The following SQOR variants were observed in gnomAD, a reference collection of about 807,000 sequenced individuals.
The protein encoded by SQOR is sulfide quinone oxidoreductase.
Under a neutral mutation model 48.6 loss-of-function variants are expected in SQOR, and 39 were observed. The observed-to-expected ratio is 0.80, with a 90% CI of 0.62 to 1.05. SQOR has a LOEUF of 1.05. Among genes scored for constraint, SQOR ranks in the 50% least tolerant of loss-of-function variants. The pLI is 0.00. For missense variants in SQOR, 561 were observed against 559.9 expected, an observed-to-expected ratio of 1.00 and a Z score of -0.02; for synonymous variants, 220 against 206.2, an observed-to-expected ratio of 1.07 and a Z score of -0.57.
rs950686575 is a variant in SQOR at position 45,661,870 on chromosome 15, G to C, written c.235-85G>C. 3.6e-6 allele frequency: 5 copies of C among 1,398,242 alleles called. No individual in the cohort carries two copies. The African/African-American group carries it at 7.2e-5, about 20-fold the overall frequency. The allele number at this position is 1,398,242 out of a possible 1,614,324, so 86.6% of individuals were successfully genotyped here. Reference sequence around the variant, plus strand: ...CTCTAAAGGTCAGGAGGGAGTGATTGAAAGAATCTAGCCCATACTGTTAGC... The same window carrying C: ...CTCTAAAGGTCAGGAGGGAGTGATTCAAAGAATCTAGCCCATACTGTTAGC... On this transcript the variant is annotated intron_variant, in intron 2 of 9. Transcript: ENST00000260324.
intron 3 of SQOR, among the ~76,000 whole-genome samples, chr15:45,667,941 C>CTTTTTTTTTTTTTTTTTTTT (rs1204451548): frequency 5.8e-5 from 6 of 103,276 alleles, no homozygotes; most frequent in East Asian, 3.1e-4. Context: ...TTCTTTCTTT[C>CTTTTTTTTTTTTTTTTTTTT]TTTTTTTTTT....
In SQOR at chr15:45,665,999, G is replaced by A. The variant is rs115538504; in HGVS notation, c.405+3874G>A. ...TCTTCCCTGATCCGGGGGTGTGTTTGTCTGAAACACATCTCAAGGCCCTGT... is the reference window on the plus strand; with the variant it reads ...TCTTCCCTGATCCGGGGGTGTGTTTATCTGAAACACATCTCAAGGCCCTGT... On this transcript the variant is annotated intron_variant, in intron 3 of 9. Coordinates refer to ENST00000260324, the MANE Select transcript of SQOR (RefSeq NM_021199.4). 6.5e-3 allele frequency among the ~76,000 whole-genome samples: 985 copies of A among 152,226 alleles called. 14 individuals are homozygous for A. Among genetic ancestry groups the A allele is most frequent in the African/African-American group, 0.022 (919 of 41,504 alleles).
chr15:45,682,404 A>T, intron 6 of SQOR, 74 bp from the exon 7 acceptor site: 1 of 1,513,480 alleles, frequency 6.6e-7, no homozygotes, highest in Non-Finnish European at 9.0e-7. Flanking sequence ...TAGAGTAAGG[A>T]AGGTAGGGGG....
chr15:45,646,688 T>TA (rs1889346527), intron 1 of SQOR, among the ~76,000 whole-genome samples: 1 of 152,226 alleles, frequency 6.6e-6, no homozygotes, highest in South Asian at 2.1e-4. Flanking sequence ...TTTAAGTTTT[T>TA]ATTGTGTAAA....
At chr15:45,637,578 CT>C (rs900071181) in intron 1 of SQOR, among the ~76,000 whole-genome samples, 1 of 152,010 alleles carries the variant, frequency 6.6e-6, no homozygotes, top group Non-Finnish European at 1.5e-5. Flanking sequence ...AAATTTGGGG[CT>C]TTTTTTCTGG....
intron 3 of SQOR, among the ~76,000 whole-genome samples, chr15:45,668,389 A>G (rs1889877216): frequency 6.6e-6 from 1 of 152,198 alleles, no homozygotes; most frequent in Non-Finnish European, 1.5e-5. Context: ...TCCTCACTTT[A>G]ATTTAGTGAC....
chr15:45,675,661 A>G (rs149660322), intron 5 of SQOR, among the ~76,000 whole-genome samples: 519 of 152,164 alleles, frequency 3.4e-3, no homozygotes, highest in Middle Eastern at 0.01. Flanking sequence ...CGGCCTCCCA[A>G]AGTGCTAGGA....
intron 1 of SQOR, among the ~76,000 whole-genome samples, chr15:45,637,367 A>C (rs1314872276): frequency 1.3e-5 from 2 of 152,214 alleles, no homozygotes; most frequent in Admixed American, 1.3e-4. Flanking sequence ...CACTGCACTT[A>C]GTGTAGAGGG....
rs138433289 is a variant in SQOR at position 45,643,079 on chromosome 15, C to T, written c.-18+7971C>T. On this transcript the variant is annotated intron_variant, in intron 1 of 9. Coordinates refer to ENST00000260324, the MANE Select transcript of SQOR (RefSeq NM_021199.4). ...GATCACTTTCCAGAACTTTGTTTTC[C>T]CATGTAAAGCCTCAATGCCCTAGCT... Among the ~76,000 whole-genome samples the T allele has an allele frequency of 7.0e-3, 1,072 of 152,346 alleles. 11 individuals are homozygous for T. The highest frequency in any genetic ancestry group is 9.7e-3 in the Non-Finnish European group (661 of 68,040).
chr15:45,646,771 T>G (rs1889348055), intron 1 of SQOR, among the ~76,000 whole-genome samples: 3 of 152,166 alleles, frequency 2.0e-5, no homozygotes, highest in Admixed American at 6.5e-5. Context: ...GATTTCAAAT[T>G]ATTGCCAACT....
At chr15:45,654,433 T>C (rs11637833) in intron 1 of SQOR, among the ~76,000 whole-genome samples, 3,850 of 152,356 alleles carry the variant, frequency 0.025, 57 homozygotes, top group Middle Eastern at 0.051. Context: ...CTATTAATGA[T>C]GTCAATAAAT....
intron 6 of SQOR, among the ~76,000 whole-genome samples, chr15:45,677,642 CCTCA>C (rs1890060051): frequency 6.6e-6 from 1 of 152,120 alleles, no homozygotes; most frequent in Admixed American, 6.5e-5. Context: ...GTAGAATGTT[CCTCA>C]TTTTGAGTTT....
At chr15:45,670,547 T>C (rs1338087320) in intron 4 of SQOR, among the ~76,000 whole-genome samples, 1 of 152,192 alleles carries the variant, frequency 6.6e-6, no homozygotes, top group Non-Finnish European at 1.5e-5. Flanking sequence ...AGATTCAACT[T>C]CATTTTTCTA....
intron 7 of SQOR, among the ~76,000 whole-genome samples, chr15:45,683,891 TTTTTG>T (rs943740088): frequency 8.9e-4 from 113 of 126,414 alleles, no homozygotes; most frequent in African/African-American, 2.3e-3. Context: ...TATATATATA[TTTTTG>T]TTTGTTTGTT....
At chr15:45,677,414 T>A (rs534326763) in intron 6 of SQOR, among the ~76,000 whole-genome samples, 1 of 152,376 alleles carries the variant, frequency 6.6e-6, no homozygotes, top group African/African-American at 2.4e-5. Flanking sequence ...TACAATTTTT[T>A]AACTTACTAT....
chr15:45,653,696 G>T (rs79601103), intron 1 of SQOR, among the ~76,000 whole-genome samples: 4,152 of 152,184 alleles, frequency 0.027, 220 homozygotes, highest in African/African-American at 0.095. Context: ...ATCCCACCTT[G>T]AGTCACCTTA....
At chr15:45,686,061 G>C (rs1890218750) in intron 7 of SQOR, among the ~76,000 whole-genome samples, 1 of 146,096 alleles carries the variant, frequency 6.8e-6, no homozygotes, top group African/African-American at 2.5e-5. Flanking sequence ...TGTTGCCCAA[G>C]TCTCAAACTC....
Position 45,688,332 on chromosome 15 carries a change from T to G in SQOR, c.1049-5T>G. On this transcript the variant is annotated splice_polypyrimidine_tract_variant and splice_region_variant and intron_variant, in intron 7 of 9. Coordinates refer to ENST00000260324, the MANE Select transcript of SQOR (RefSeq NM_021199.4). ...ATTTTTCTGACTTTCCCATTTCTCT[T>G]ATAGCTGCCCAGTCAGGAATACTTG... is the stretch of plus-strand genomic sequence containing the variant. 6.3e-7 allele frequency: 1 copy of G among 1,591,472 alleles called. No individual in the cohort carries two copies. Among genetic ancestry groups the G allele is most frequent in the Non-Finnish European group, 8.5e-7 (1 of 1,172,556 alleles).
In SQOR at chr15:45,676,391, T is replaced by C. The variant is rs895946678; in HGVS notation, c.864+81T>C. 49 of 1,341,788 alleles carry C rather than the reference T, an allele frequency of 3.7e-5. No homozygotes were observed. In the African/African-American group the frequency reaches 5.9e-4, roughly 16 times the overall value. 83.1% of individuals were successfully genotyped at this position (1,341,788 alleles called of 1,614,324 possible). ...AGATACATGGGGGCTCACACCACCCTATCTGCCATCATTGTGTGCTGGGGA... is the reference window on the plus strand; with the variant it reads ...AGATACATGGGGGCTCACACCACCCCATCTGCCATCATTGTGTGCTGGGGA... On this transcript the variant is annotated intron_variant, in intron 6 of 9. Coordinates refer to ENST00000260324, the MANE Select transcript of SQOR (RefSeq NM_021199.4).
Sources: gnomAD v4.1 joint callset for allele counts (sites outside exome capture counted in the v4.1 genomes callset) on GRCh38, gnomAD v4.1.1 for gene constraint, MANE v1.5 for transcripts, NCBI Gene and HGNC (gene_info 2026-07-23, HGNC 2026-07-21) for gene names.